The following RGL1 variants were observed in gnomAD, a reference collection of about 807,000 sequenced individuals.
RGL1 encodes ral guanine nucleotide dissociation stimulator-like 1.
A neutral mutation model predicts 95.2 loss-of-function variants in RGL1; 24 were observed. The observed-to-expected ratio is 0.25, with a 90% CI of 0.18 to 0.35. The LOEUF (loss-of-function observed/expected upper bound fraction) is 0.35. Ranked by LOEUF, RGL1 falls within the 10% of genes least tolerant of loss-of-function variation. RGL1 has a pLI of 1.00. For missense variants in RGL1, 715 were observed against 936.3 expected (o/e 0.76, Z 3.08); for synonymous variants, 329 against 344.9 (o/e 0.95, Z 0.51).
chr1:183,637,390 A>G (rs1649619280), intron 1 of RGL1, among the ~76,000 whole-genome samples: 1 of 152,238 alleles, frequency 6.6e-6, no homozygotes. Context: ...GACTCGATAC[A>G]TGCTTGATGA....
chr1:183,722,613 A>G (rs549255942), intron 1 of RGL1, among the ~76,000 whole-genome samples: 5 of 152,334 alleles, frequency 3.3e-5, no homozygotes, highest in African/African-American at 4.8e-5. Flanking sequence ...ACAGGGAACA[A>G]CATAAAAATA....
chr1:183,845,528 A>G (rs545725932), intron 2 of RGL1, among the ~76,000 whole-genome samples: 17 of 152,336 alleles, frequency 1.1e-4, no homozygotes, highest in African/African-American at 3.8e-4. Context: ...TTCATGTGCT[A>G]GCTGCTTCTC....
chr1:183,688,114 A>G (rs1049904435), intron 1 of RGL1, among the ~76,000 whole-genome samples: 1 of 152,182 alleles, frequency 6.6e-6, no homozygotes, highest in Non-Finnish European at 1.5e-5. Context: ...AATAATTCTT[A>G]CAATTATAAA....
Position 183,903,431 on chromosome 1 carries a change from G to A in RGL1, c.1350+831G>A, listed in dbSNP as rs149955992. Among the ~76,000 whole-genome samples the A allele has an allele frequency of 7.0e-3, 1,067 of 152,152 alleles. 14 individuals are homozygous for A. Among genetic ancestry groups the A allele is most frequent in the African/African-American group, 0.021 (884 of 41,518 alleles). On this transcript the variant is annotated intron_variant, in intron 12 of 17. Coordinates refer to ENST00000360851, the MANE Select transcript of RGL1 (RefSeq NM_001297671.3). ...TTTCTGTGATTTTCATATTCAAATG[G>A]CATATTTAAATAGATATTTAAAAGA...
intron 2 of RGL1, among the ~76,000 whole-genome samples, chr1:183,795,526 T>C (rs748003532): frequency 6.6e-6 from 1 of 152,166 alleles, no homozygotes; most frequent in Non-Finnish European, 1.5e-5. Context: ...GGGAGCCAGA[T>C]ATGTTCAAGA....
chr1:183,716,545 A>AGGCC (rs2102191504), intron 1 of RGL1, among the ~76,000 whole-genome samples: 1 of 152,386 alleles, frequency 6.6e-6, no homozygotes, highest in Admixed American at 6.5e-5. Flanking sequence ...TTTATGAGCT[A>AGGCC]GGCCAGGAAT....
chr1:183,675,948 C>A (rs1652800348), intron 1 of RGL1, among the ~76,000 whole-genome samples: 1 of 152,036 alleles, frequency 6.6e-6, no homozygotes, highest in South Asian at 2.1e-4. Context: ...GAGTTTGAGA[C>A]CAGCCTCGGC....
At chr1:183,862,499 T>G (rs145689248) in intron 3 of RGL1, among the ~76,000 whole-genome samples, 207 of 152,396 alleles carry the variant, frequency 1.4e-3, no homozygotes, top group African/African-American at 4.8e-3. Flanking sequence ...GCGTGTATAC[T>G]TTTGTTTTGC....
chr1:183,759,719 T>C (rs1112003), intron 2 of RGL1, among the ~76,000 whole-genome samples: 1 of 152,154 alleles, frequency 6.6e-6, no homozygotes, highest in Non-Finnish European at 1.5e-5. Flanking sequence ...CCATTGGCCC[T>C]TGTTGCCAGT....
intron 1 of RGL1, among the ~76,000 whole-genome samples, chr1:183,708,847 T>TCCAGGGTGGAAGGACACAAGGGACGC (rs1480736733): frequency 6.6e-6 from 1 of 152,184 alleles, no homozygotes; most frequent in Non-Finnish European, 1.5e-5. Context: ...TGGACTACCG[T>TCCAGGGTGGAAGGACACAAGGGACGC]CCAGGGTGGA....
chr1:183,912,175 C>T lies in RGL1; in HGVS notation c.1656C>T (p.Asp552=), dbSNP rs1376055921. ...TASGSSGESM[D]SVSVSSCESN... Reference sequence around the variant, plus strand: ...GCGGGAGCTCTGGTGAAAGCATGGACTCTGTCAGCGTGTCATCCTGCGAGT... The same window carrying T: ...GCGGGAGCTCTGGTGAAAGCATGGATTCTGTCAGCGTGTCATCCTGCGAGT... The change falls in exon 15 of 18, where the codon GAC becomes GAT. Residue 552 remains aspartate (D), a synonymous_variant. Transcript: ENST00000360851. The T allele has an allele frequency of 2.5e-6, 4 of 1,613,966 alleles. No individual in the cohort carries two copies. Among genetic ancestry groups the T allele is most frequent in the Non-Finnish European group, 3.4e-6 (4 of 1,180,014 alleles).
At chr1:183,707,677 AG>A (rs976798042) in intron 1 of RGL1, among the ~76,000 whole-genome samples, 3 of 152,142 alleles carry the variant, frequency 2.0e-5, no homozygotes, top group African/African-American at 7.2e-5. Flanking sequence ...CAATGGGTAC[AG>A]GCAATTCTAG....
At chr1:183,877,487 C>T (rs1666566362) in intron 4 of RGL1, among the ~76,000 whole-genome samples, 13 of 152,220 alleles carry the variant, frequency 8.5e-5, no homozygotes. Flanking sequence ...AGGACTGGCA[C>T]ACACAAAGCT....
chr1:183,795,005 T>A (rs2102387952), intron 2 of RGL1, among the ~76,000 whole-genome samples: 1 of 152,310 alleles, frequency 6.6e-6, no homozygotes, highest in South Asian at 2.1e-4. Flanking sequence ...AAGATTTATT[T>A]ATATCATTCA....
At chr1:183,707,579 G>T (rs574786186) in intron 1 of RGL1, among the ~76,000 whole-genome samples, 1 of 152,174 alleles carries the variant, frequency 6.6e-6, no homozygotes, top group African/African-American at 2.4e-5. Context: ...AATGGGGAAA[G>T]GGGGGTTGAG....
intron 14 of RGL1, among the ~76,000 whole-genome samples, chr1:183,911,313 T>G (rs967630303): frequency 6.6e-6 from 1 of 152,238 alleles, no homozygotes; most frequent in Non-Finnish European, 1.5e-5. Flanking sequence ...TGTCTTCCTA[T>G]GCTAGTAGAA....
chr1:183,745,098 G>T (rs1397067035), intron 2 of RGL1, among the ~76,000 whole-genome samples: 1 of 152,108 alleles, frequency 6.6e-6, no homozygotes, highest in Non-Finnish European at 1.5e-5. Context: ...GGACCTTGTT[G>T]TAACACAAAT....
intron 16 of RGL1, among the ~76,000 whole-genome samples, chr1:183,920,979 G>T (rs186903830): frequency 2.6e-5 from 4 of 152,116 alleles, no homozygotes; most frequent in Non-Finnish European, 5.9e-5. Context: ...GGGGGGTCGT[G>T]GGGGGCTTTC....
At chr1:183,691,611 A>G (rs1426955908) in intron 1 of RGL1, among the ~76,000 whole-genome samples, 2 of 152,244 alleles carry the variant, frequency 1.3e-5, no homozygotes, top group Non-Finnish European at 2.9e-5. Context: ...CCATAATTCT[A>G]TCTTTAGGAG....
Sources: allele counts gnomAD v4.1 joint callset (sites outside exome capture counted in the v4.1 genomes callset), GRCh38; gene constraint gnomAD v4.1.1; transcripts MANE v1.5; gene names NCBI Gene and HGNC (gene_info 2026-07-23, HGNC 2026-07-21).